COP1: variants seen among roughly 807,000 people sequenced by gnomAD.
COP1 encodes COP1 E3 ubiquitin ligase.
A neutral mutation model predicts 101.3 loss-of-function variants in COP1; 24 were observed. The observed-to-expected ratio is 0.24, with a 90% confidence interval of 0.17 to 0.33. COP1 has a LOEUF of 0.33. COP1 is among the 10% of genes least tolerant of loss of function. The probability of loss-of-function intolerance (pLI) is 1.00; values close to 1 mark genes in which losing one functional copy is unlikely to be tolerated. For synonymous variants in COP1, 347 were observed against 341.9 expected (o/e 1.01, Z -0.17); for missense variants, 663 against 906.2 (o/e 0.73, Z 3.45).
chr1:176,002,396 G>T (rs1429025461), intron 15 of COP1, among the ~76,000 whole-genome samples: 1 of 151,554 alleles, frequency 6.6e-6, no homozygotes, highest in East Asian at 1.9e-4. Context: ...GGGTACATGT[G>T]CACATAGTGC....
intron 14 of COP1, among the ~76,000 whole-genome samples, chr1:176,041,734 GGT>G (rs1670574001): frequency 6.6e-6 from 1 of 152,182 alleles, no homozygotes. Context: ...GGGAAGTCGA[GGT>G]GGGTAGATCA....
At chr1:176,004,850 C>G (rs375586582) in intron 15 of COP1, among the ~76,000 whole-genome samples, 8 of 151,692 alleles carry the variant, frequency 5.3e-5, no homozygotes, top group Non-Finnish European at 7.4e-5. Flanking sequence ...TTGGTGTCAG[C>G]ATGATGCTGG....
At chr1:176,091,156 C>G (rs1324032937) in intron 9 of COP1, among the ~76,000 whole-genome samples, 1 of 152,078 alleles carries the variant, frequency 6.6e-6, no homozygotes, top group African/African-American at 2.4e-5. Flanking sequence ...TATCTCACAA[C>G]ATCATAAACA....
At chr1:176,138,304 T>C (rs577862773) in intron 6 of COP1, among the ~76,000 whole-genome samples, 1 of 152,140 alleles carries the variant, frequency 6.6e-6, no homozygotes, top group South Asian at 2.1e-4. Context: ...AAAACACCAA[T>C]GTTAAAGAGA....
Position 176,067,172 on chromosome 1 carries a change from T to C in COP1, c.1277+13980A>G, listed in dbSNP as rs1324385088. ...AAGAGTGACCCCCTCATGTAGACTT[T>C]GGGTGATAATAATGTGTCAATGTAG... On this transcript the variant is annotated intron_variant, in intron 11 of 19. Coordinates refer to ENST00000367669, the MANE Select transcript of COP1 (RefSeq NM_022457.7). Among the ~76,000 whole-genome samples, 6 of 152,114 alleles carry C rather than the reference T, an allele frequency of 3.9e-5. No individual in the cohort carries two copies. The East Asian group carries it at 7.7e-4, about 20-fold the overall frequency.
At chr1:175,992,350 T>C (rs549615475) in intron 15 of COP1, among the ~76,000 whole-genome samples, 5 of 152,332 alleles carry the variant, frequency 3.3e-5, no homozygotes, top group East Asian at 3.9e-4. Flanking sequence ...CATTTCCATC[T>C]GAGGTACCAG....
At chr1:176,016,810 T>C (rs1665744870) in intron 15 of COP1, among the ~76,000 whole-genome samples, 3 of 152,176 alleles carry the variant, frequency 2.0e-5, no homozygotes, top group South Asian at 4.2e-4. Flanking sequence ...AAAATTTATC[T>C]ACTTAAATCA....
At chr1:176,092,838 T>A (rs1467356835) in intron 9 of COP1, among the ~76,000 whole-genome samples, 2 of 152,160 alleles carry the variant, frequency 1.3e-5, no homozygotes, top group African/African-American at 4.8e-5. Flanking sequence ...GCCCTTTAAT[T>A]CCTCTCCTAG....
chr1:176,074,240 T>C lies in COP1; in HGVS notation c.1277+6912A>G, dbSNP rs1677550089. Among the ~76,000 whole-genome samples the C allele has an allele frequency of 2.6e-5, 4 of 152,164 alleles. 1 individual carries two copies. In the South Asian group the frequency reaches 8.3e-4, roughly 32 times the overall value. On this transcript the variant is annotated intron_variant, in intron 11 of 19. Transcript: ENST00000367669. ...CCTCACCTGGCCTCTTTATTCCTCT[T>C]TCTGAAAGAAATTAATTAAATTTCC...
intron 15 of COP1, among the ~76,000 whole-genome samples, chr1:176,003,823 T>C (rs1488279681): frequency 2.0e-5 from 3 of 151,966 alleles, no homozygotes; most frequent in Admixed American, 6.6e-5. Context: ...AGGATTGACT[T>C]GGCGATGTGG....
chr1:176,081,986 A>G (rs1170847414), intron 10 of COP1, among the ~76,000 whole-genome samples: 1 of 152,220 alleles, frequency 6.6e-6, no homozygotes, highest in Non-Finnish European at 1.5e-5. Context: ...AACCTTGGGT[A>G]AAGTCCACTT....
At chr1:176,061,995 G>GATC (rs1674934808) in intron 11 of COP1, among the ~76,000 whole-genome samples, 1 of 152,010 alleles carries the variant, frequency 6.6e-6, no homozygotes, top group South Asian at 2.1e-4. Flanking sequence ...AGAAAGACCT[G>GATC]ATTATTATTA....
At chr1:175,959,007 A>G (rs1651011958) in intron 18 of COP1, among the ~76,000 whole-genome samples, 1 of 152,002 alleles carries the variant, frequency 6.6e-6, no homozygotes, top group Non-Finnish European at 1.5e-5. Flanking sequence ...TGGACAATGC[A>G]AAAAAGGAAA....
chr1:175,998,027 C>T (rs1037163733), intron 15 of COP1, among the ~76,000 whole-genome samples: 22 of 124,714 alleles, frequency 1.8e-4, no homozygotes, highest in African/African-American at 6.6e-4. Context: ...CTAACCTGCA[C>T]AATGTGCACA....
chr1:176,092,703 A>G (rs983266287), intron 9 of COP1, among the ~76,000 whole-genome samples: 24 of 152,222 alleles, frequency 1.6e-4, no homozygotes, highest in Admixed American at 1.2e-3. Flanking sequence ...CAACAATACT[A>G]ATTATCAGCA....
Position 176,195,954 on chromosome 1 carries a change from A to C in COP1, c.407+10618T>G, listed in dbSNP as rs181285545. 2.0e-3 allele frequency among the ~76,000 whole-genome samples: 306 copies of C among 152,342 alleles called. 5 individuals carry two copies. Among genetic ancestry groups the C allele is most frequent in the Non-Finnish European group, 1.4e-3 (95 of 68,036 alleles). ...TACTATGTCCACTACTTGGGTGACAAGATCACTAGCATCACGCAATATACC... is the reference window on the plus strand; with the variant it reads ...TACTATGTCCACTACTTGGGTGACACGATCACTAGCATCACGCAATATACC... On this transcript the variant is annotated intron_variant, in intron 1 of 19. Coordinates refer to ENST00000367669, the MANE Select transcript of COP1 (RefSeq NM_022457.7).
intron 2 of COP1, among the ~76,000 whole-genome samples, chr1:176,182,429 T>C (rs1454546396): frequency 2.0e-5 from 3 of 152,122 alleles, no homozygotes; most frequent in Non-Finnish European, 4.4e-5. Context: ...CCCCAAGGGG[T>C]ATCTGCAATG....
At chr1:175,974,628 T>G (rs1355803581) in intron 18 of COP1, among the ~76,000 whole-genome samples, 1 of 152,020 alleles carries the variant, frequency 6.6e-6, no homozygotes, top group African/African-American at 2.4e-5. Context: ...GTAATTTCAG[T>G]GAAGAGATTA....
intron 11 of COP1, among the ~76,000 whole-genome samples, chr1:176,070,334 C>T (rs1676739774): frequency 7.2e-6 from 1 of 138,704 alleles, no homozygotes; most frequent in Non-Finnish European, 1.6e-5. Context: ...CTTGTGCTGC[C>T]TTTTTTTTTT....
Sources: gnomAD v4.1 joint callset for allele counts (sites outside exome capture counted in the v4.1 genomes callset) on GRCh38, gnomAD v4.1.1 for gene constraint, MANE v1.5 for transcripts, NCBI Gene and HGNC (gene_info 2026-07-23, HGNC 2026-07-21) for gene names.